EML4: variants seen among roughly 807,000 people sequenced by gnomAD.
The protein encoded by EML4 is EMAP like 4, also known as echinoderm microtubule-associated protein-like 4.
A neutral mutation model predicts 129.0 loss-of-function variants in EML4; 72 were observed. The observed-to-expected ratio is 0.56, with a 90% CI of 0.46 to 0.68. EML4 has a LOEUF of 0.68. EML4 is among the 30% of genes least tolerant of loss of function. The probability of loss-of-function intolerance (pLI) is 0.00; values close to 1 mark genes in which losing one functional copy is unlikely to be tolerated. For missense variants in EML4, 1,363 were observed against 1,190.6 expected (o/e 1.14, Z -2.13); for synonymous variants, 532 against 405.0 (o/e 1.31, Z -3.77).
rs550141426 is a variant in EML4, at chr2:42,193,659, A to G, written c.25+24023A>G. ...AAGTTTTCACTTTTGTCATCTATCT[A>G]TTGAGTCATTATAGGCGTTCTTTTT... is the stretch of plus-strand genomic sequence containing the variant. On this transcript the variant is annotated intron_variant, in intron 1 of 22. Coordinates refer to ENST00000318522, the MANE Select transcript of EML4 (RefSeq NM_019063.5). Among the ~76,000 whole-genome samples, 236 of 151,282 alleles carry G rather than the reference A, an allele frequency of 1.6e-3. 1 individual carries two copies. Among genetic ancestry groups the G allele is most frequent in the African/African-American group, 5.5e-3 (229 of 41,282 alleles).
At chr2:42,252,755 C>G (rs1396664270) in intron 2 of EML4, among the ~76,000 whole-genome samples, 3 of 152,120 alleles carry the variant, frequency 2.0e-5, no homozygotes, top group Non-Finnish European at 2.9e-5. Flanking sequence ...ACCGCCCTTT[C>G]AGCTGTCTAT....
At chr2:42,245,334 G>A (rs1055885827) in intron 1 of EML4, among the ~76,000 whole-genome samples, 171 bp from the exon 2 acceptor site, 5 of 151,678 alleles carry the variant, frequency 3.3e-5, no homozygotes, top group Admixed American at 6.6e-5. Flanking sequence ...GACCTCAGGT[G>A]ATCTGCCTCT....
At chr2:42,175,273 CT>C (rs1174742385) in intron 1 of EML4, among the ~76,000 whole-genome samples, 1 of 151,948 alleles carries the variant, frequency 6.6e-6, no homozygotes, top group Non-Finnish European at 1.5e-5. Flanking sequence ...ACCACCACAC[CT>C]GGCTAATTTT....
At chr2:42,198,494 C>G (rs62144749) in intron 1 of EML4, among the ~76,000 whole-genome samples, 1 of 152,030 alleles carries the variant, frequency 6.6e-6, no homozygotes, top group Admixed American at 6.6e-5. Context: ...TGCTTGAGAC[C>G]AGGAGTTCAA....
At chr2:42,316,108 G>C (rs977163443) in intron 18 of EML4, 58 bp downstream of exon 18, 2 of 1,194,670 alleles carry the variant, frequency 1.7e-6, no homozygotes, top group African/African-American at 3.0e-5. Context: ...CACTGCAATT[G>C]CATAGTTTTA....
chr2:42,323,781 AAAAC>A (rs1172965530), intron 19 of EML4, among the ~76,000 whole-genome samples: 8 of 150,716 alleles, frequency 5.3e-5, no homozygotes, highest in East Asian at 2.0e-4. Flanking sequence ...CAAAAAAAAA[AAAAC>A]AAACAAAAAT....
At chr2:42,294,569 G>A (rs13010778) in intron 11 of EML4, among the ~76,000 whole-genome samples, 2 of 151,746 alleles carry the variant, frequency 1.3e-5, no homozygotes, top group Non-Finnish European at 2.9e-5. Flanking sequence ...GGTGGTGGGC[G>A]CCTGTGGTCC....
At chr2:42,179,548 G>C (rs185437383) in intron 1 of EML4, among the ~76,000 whole-genome samples, 1 of 152,178 alleles carries the variant, frequency 6.6e-6, no homozygotes, top group Admixed American at 6.5e-5. Flanking sequence ...TATGGAGAAT[G>C]GTCCATGATG....
intron 1 of EML4, among the ~76,000 whole-genome samples, chr2:42,216,057 C>T (rs535773663): frequency 6.6e-6 from 1 of 151,402 alleles, no homozygotes; most frequent in African/African-American, 2.4e-5. Flanking sequence ...GTAGCTGAGA[C>T]TACAGGCACC....
At chr2:42,236,508 A>G (rs952562811) in intron 1 of EML4, among the ~76,000 whole-genome samples, 5 of 152,256 alleles carry the variant, frequency 3.3e-5, no homozygotes, top group Non-Finnish European at 1.5e-5. Flanking sequence ...TTATTGGAAC[A>G]TAGCCACACC....
At chr2:42,173,302 GT>G (rs898150066) in intron 1 of EML4, among the ~76,000 whole-genome samples, 2 of 149,400 alleles carry the variant, frequency 1.3e-5, no homozygotes, top group Admixed American at 6.7e-5. Flanking sequence ...ATTTGGAGAG[GT>G]TTTTTTTTTA....
rs541927339 is a variant in EML4 at position 42,255,578 on chromosome 2, G to A, written c.209-923G>A. On this transcript the variant is annotated intron_variant, in intron 2 of 22. Transcript: ENST00000318522. ...TATAACAATAAGTAACTTGTTTGAC[G>A]TACTAGAACTAAATCTGATGACCAG... Among the ~76,000 whole-genome samples, 202 of 152,210 alleles carry A rather than the reference G, an allele frequency of 1.3e-3. 1 individual carries two copies. The highest frequency in any genetic ancestry group is 4.3e-3 in the African/African-American group (177 of 41,518).
intron 1 of EML4, among the ~76,000 whole-genome samples, chr2:42,196,690 A>G (rs976912597): frequency 6.6e-6 from 1 of 152,232 alleles, no homozygotes; most frequent in African/African-American, 2.4e-5. Context: ...TCTATGCAGT[A>G]ACGTAATTTC....
chr2:42,306,506 T>TC (rs1377137627), intron 17 of EML4, among the ~76,000 whole-genome samples: 2 of 113,638 alleles, frequency 1.8e-5, no homozygotes, highest in African/African-American at 8.3e-5. Context: ...TTTTTTTTTT[T>TC]TTTTGAGATA....
chr2:42,248,877 G>A (rs1477160093), intron 2 of EML4, among the ~76,000 whole-genome samples: 1 of 152,082 alleles, frequency 6.6e-6, no homozygotes, highest in Non-Finnish European at 1.5e-5. Flanking sequence ...CATAATTCAT[G>A]TTAATTACTG....
chr2:42,223,013 A>T (rs1466368113), intron 1 of EML4, among the ~76,000 whole-genome samples: 1 of 151,900 alleles, frequency 6.6e-6, no homozygotes, highest in African/African-American at 2.4e-5. Flanking sequence ...ATTAGTCAGG[A>T]TGGTCTCGAT....
intron 1 of EML4, among the ~76,000 whole-genome samples, chr2:42,181,866 A>T (rs6734227): frequency 0.01 from 1,558 of 152,270 alleles, 23 homozygotes; most frequent in African/African-American, 0.036. Context: ...ACCAAGCTCT[A>T]TGTGCTAGTT....
chr2:42,229,142 A>C (rs2104178710), intron 1 of EML4, among the ~76,000 whole-genome samples: 1 of 152,288 alleles, frequency 6.6e-6, no homozygotes, highest in Non-Finnish European at 1.5e-5. Context: ...TGGGTTTAGC[A>C]GACCTTTGTA....
Position 42,227,204 on chromosome 2 carries a change from G to T in EML4, c.26-18301G>T, listed in dbSNP as rs898382125. Among the ~76,000 whole-genome samples, 9 of 152,088 alleles carry T rather than the reference G, an allele frequency of 5.9e-5. 1 individual carries two copies. ...GGCTCACTGCAGCCTTGACCTCCCA[G>T]ATTCAAGAGATCCTTCCACCTCAGC... On this transcript the variant is annotated intron_variant, in intron 1 of 22. Coordinates refer to ENST00000318522, the MANE Select transcript of EML4 (RefSeq NM_019063.5).
Sources: gnomAD v4.1 joint callset for allele counts (sites outside exome capture counted in the v4.1 genomes callset) on GRCh38, gnomAD v4.1.1 for gene constraint, MANE v1.5 for transcripts, NCBI Gene and HGNC (gene_info 2026-07-23, HGNC 2026-07-21) for gene names.